CFAP46: variants seen among roughly 807,000 people sequenced by gnomAD.
CFAP46 encodes the protein cilia and flagella associated protein 46.
CFAP46 carries 245 observed loss-of-function variants against 325.7 expected under a neutral mutation model. The observed-to-expected ratio is 0.75, with a 90% CI of 0.68 to 0.84. CFAP46 has a LOEUF of 0.84. Among genes scored for constraint, CFAP46 ranks in the 40% least tolerant of loss-of-function variants. The pLI, the probability that CFAP46 is intolerant of heterozygous loss-of-function variation, is 0.00. For synonymous variants in CFAP46, 1,523 were observed against 1,495.9 expected, an observed-to-expected ratio of 1.02 and a Z score of -0.42; for missense variants, 3,346 against 3,543.0, an observed-to-expected ratio of 0.94 and a Z score of 1.41.
chr10:132,821,595 T>G (rs1176808919), intron 50 of CFAP46, among the ~76,000 whole-genome samples: 1 of 137,300 alleles, frequency 7.3e-6, no homozygotes, highest in Non-Finnish European at 1.6e-5. Flanking sequence ...GTGTGTGTGC[T>G]GTGTGCTGTG....
At chr10:132,870,412 C>T (rs909587271) in intron 32 of CFAP46, among the ~76,000 whole-genome samples, 4 of 152,162 alleles carry the variant, frequency 2.6e-5, no homozygotes, top group Non-Finnish European at 5.9e-5. Flanking sequence ...GTGAGGAAAG[C>T]GCGTCAGAAG....
intron 25 of CFAP46, 25 bp from the exon 26 acceptor site, chr10:132,885,984 C>T (rs1280790300): frequency 1.3e-6 from 2 of 1,547,044 alleles, no homozygotes; most frequent in Non-Finnish European, 1.7e-6. Flanking sequence ...GAGGGGTGTC[C>T]TTGGAGCCGC....
intron 15 of CFAP46, 29 bp from the exon 16 acceptor site, chr10:132,918,549 A>AT: frequency 2.0e-6 from 3 of 1,496,028 alleles, no homozygotes; most frequent in Non-Finnish European, 2.7e-6. Context: ...GGTAAGGATC[A>AT]TGTTTTTTTC....
Position 132,877,759 on chromosome 10 carries a change from T to A in CFAP46, c.4212+122A>T, listed in dbSNP as rs1174279616. 9.8e-7 allele frequency: 1 copy of A among 1,018,962 alleles called. No homozygotes were observed. Among genetic ancestry groups the A allele is most frequent in the Non-Finnish European group, 1.4e-6 (1 of 703,160 alleles). The allele number at this position is 1,018,962 out of a possible 1,614,324, so 63.1% of individuals were successfully genotyped here. Reference sequence around the variant, plus strand: ...GGCAGGGAAACTGAGGCACAGGCCATCCCGGGCCCGGCCTCTGCACTGAGG... The same window carrying A: ...GGCAGGGAAACTGAGGCACAGGCCAACCCGGGCCCGGCCTCTGCACTGAGG... On this transcript the variant is annotated intron_variant, in intron 30 of 57. Transcript: ENST00000368586. This position sits in a 1 kb window ranked among gnomAD's most constrained non-coding sequence, Gnocchi z 5.7.
rs1848910556 is a variant in CFAP46, at chr10:132,872,737, C to T, written c.4450G>A (p.Gly1484Arg). ...ACCACGGAGTCCGAAATCAGCACCCCCAACTGCAGGACGGGAACCGTGAGT... is the reference window on the plus strand; with the variant it reads ...ACCACGGAGTCCGAAATCAGCACCCTCAACTGCAGGACGGGAACCGTGAGT... ...HELTVPVLQL[G>R]VLISDSVVGS... Residue 1484 changes from glycine to arginine, a missense_variant, in exon 32 of 58, where the codon GGG becomes AGG. Physicochemically the swap from Gly to Arg is moderately radical, Grantham distance 125. Transcript: ENST00000368586. The T allele has an allele frequency of 6.4e-7, 1 of 1,550,866 alleles. No individual in the cohort carries two copies. The highest frequency in any genetic ancestry group is 8.7e-7 in the Non-Finnish European group (1 of 1,147,062).
Position 132,876,394 on chromosome 10 carries a change from T to C in CFAP46, c.4362+418A>G, listed in dbSNP as rs958514544. The stretch of plus-strand genomic sequence containing the variant: ...GAGGAGGCCACGTGACCACAGAGGC[T>C]GACCGGGATGAGGAAAGAGGGATCT... On this transcript the variant is annotated intron_variant, in intron 31 of 57. Coordinates refer to ENST00000368586, the MANE Select transcript of CFAP46 (RefSeq NM_001200049.3). The surrounding 1 kb of genome is among the most constrained non-coding windows in gnomAD (Gnocchi z 4.1). 1.3e-5 allele frequency among the ~76,000 whole-genome samples: 2 copies of C among 152,218 alleles called. No homozygotes were observed. Among genetic ancestry groups the C allele is most frequent in the Admixed American group, 1.3e-4 (2 of 15,290 alleles).
At chr10:132,845,060 G>A (rs1848411283) in intron 44 of CFAP46, among the ~76,000 whole-genome samples, 2 of 152,158 alleles carry the variant, frequency 1.3e-5, no homozygotes, top group Non-Finnish European at 2.9e-5. Flanking sequence ...TTAGACCACA[G>A]GCGCCCCCAA....
chr10:132,883,629 G>A (rs946255621), intron 27 of CFAP46, among the ~76,000 whole-genome samples: 1 of 152,218 alleles, frequency 6.6e-6, no homozygotes, highest in Non-Finnish European at 1.5e-5. Context: ...TGCCCCCGGG[G>A]GACGAGGACC....
At chr10:132,821,100 TTG>T (rs1443341851) in intron 50 of CFAP46, among the ~76,000 whole-genome samples, 2 of 77,114 alleles carry the variant, frequency 2.6e-5, no homozygotes, top group African/African-American at 4.9e-5. Flanking sequence ...GATGTGTGCT[TTG>T]TGTGTGCTGA....
At chr10:132,887,204 TCTTTCCTC>T (rs1290623450) in intron 25 of CFAP46, among the ~76,000 whole-genome samples, 970 of 87,650 alleles carry the variant, frequency 0.011, 17 homozygotes, top group African/African-American at 0.017. Context: ...TCTCTCCTCT[TCTTTCCTC>T]TCCCCTCTTC....
At chr10:132,830,123 TTTTTTCTTTTC>T (rs1462078598) in intron 50 of CFAP46, among the ~76,000 whole-genome samples, 10 of 151,818 alleles carry the variant, frequency 6.6e-5, no homozygotes, top group African/African-American at 1.2e-4. Flanking sequence ...GGTATAGATG[TTTTTTCTTTTC>T]TTTTTCTTTT....
At position 132,922,485 on chromosome 10, in the gene CFAP46, C is replaced by G; in HGVS notation, c.1480G>C (p.Glu494Gln). 6.5e-7 allele frequency: 1 copy of G among 1,532,922 alleles called. No individual in the cohort carries two copies. The highest frequency in any genetic ancestry group is 8.8e-7 in the Non-Finnish European group (1 of 1,136,696). The allele number at this position is 1,532,922 out of a possible 1,614,324, so 95.0% of individuals were successfully genotyped here. The part of the protein sequence containing the change: ...RAEDKAIMAV[E>Q]QAKKATPKDS... ...TCACTTCCCCGGGGCGGCACCTGCT[C>G]AACGGCCATGATGGCCTTGTCCTCT... Residue 494 changes from glutamate (E) to glutamine (Q), a missense_variant, in exon 12 of 58, where the codon GAG (glutamate) becomes CAG (glutamine). By Grantham distance (29) the Glu-to-Gln change is conservative (BLOSUM62 2). Coordinates refer to ENST00000368586, the MANE Select transcript of CFAP46 (RefSeq NM_001200049.3).
chr10:132,822,612 G>C (rs1239855265), intron 50 of CFAP46, among the ~76,000 whole-genome samples: 1 of 141,494 alleles, frequency 7.1e-6, no homozygotes, highest in African/African-American at 2.7e-5. Context: ...TGTGTGCTGT[G>C]TGTTGTGTGA....
chr10:132,901,850 G>A (rs1021786825), intron 22 of CFAP46, among the ~76,000 whole-genome samples: 7 of 152,130 alleles, frequency 4.6e-5, no homozygotes, highest in Admixed American at 6.5e-5. Flanking sequence ...TATTGCTGGC[G>A]GATATAGAAT....
chr10:132,917,708 T>C (rs1208269706), intron 16 of CFAP46, among the ~76,000 whole-genome samples: 2 of 152,158 alleles, frequency 1.3e-5, no homozygotes, highest in African/African-American at 2.4e-5. Flanking sequence ...ATCCAGGAAG[T>C]TTTCCCTCCC....
intron 8 of CFAP46, among the ~76,000 whole-genome samples, chr10:132,930,062 C>A (rs534899076): frequency 6.6e-6 from 1 of 152,272 alleles, no homozygotes; most frequent in South Asian, 2.1e-4. Context: ...CTACTGGACA[C>A]CCTGCTCCTC....
At chr10:132,851,048 CG>C in intron 40 of CFAP46, 68 bp downstream of exon 40, 4 of 1,577,520 alleles carry the variant, frequency 2.5e-6, no homozygotes, top group Non-Finnish European at 2.6e-6. Context: ...CCTGCTGGAA[CG>C]GGGGTCCCAT....
Position 132,847,333 on chromosome 10 carries a change from A to G in CFAP46, c.5953-12T>C. ...AGCTTGGCGCCCACCTGTGACACAC[A>G]TTGCAGGTTGGCAGACACTTCTGGG... On this transcript the variant is annotated splice_polypyrimidine_tract_variant and intron_variant, in intron 41 of 57. Coordinates refer to ENST00000368586, the MANE Select transcript of CFAP46 (RefSeq NM_001200049.3). The surrounding 1 kb of genome is among the most constrained non-coding windows in gnomAD (Gnocchi z 5.2). 1 of 1,613,204 alleles carries G rather than the reference A, an allele frequency of 6.2e-7. No homozygotes were observed. Among genetic ancestry groups the G allele is most frequent in the Non-Finnish European group, 8.5e-7 (1 of 1,179,720 alleles).
intron 44 of CFAP46, 115 bp downstream of exon 44, chr10:132,845,942 T>C: frequency 4.2e-6 from 5 of 1,181,498 alleles, no homozygotes; most frequent in Non-Finnish European, 5.9e-6. Flanking sequence ...GGATGGCTCA[T>C]GAGCTGGGGG....
Sources: allele counts gnomAD v4.1 joint callset (sites outside exome capture counted in the v4.1 genomes callset), GRCh38; gene constraint gnomAD v4.1.1; non-coding constraint Gnocchi (gnomAD v3.1); transcripts MANE v1.5; gene names NCBI Gene and HGNC (gene_info 2026-07-23, HGNC 2026-07-21).